Variants in PRKG1 observed in about 807,000 individuals in gnomAD.
PRKG1 encodes protein kinase cGMP-dependent 1.
PRKG1 carries 35 observed loss-of-function variants against 88.1 expected under a neutral mutation model. The observed-to-expected ratio is 0.40, with a 90% CI of 0.30 to 0.53. The LOEUF is 0.53. PRKG1 is among the 20% of genes least tolerant of loss of function. The pLI, the probability that PRKG1 is intolerant of heterozygous loss-of-function variation, is 0.59. For missense variants in PRKG1, 540 were observed against 839.8 expected (o/e 0.64, Z 4.41); for synonymous variants, 303 against 292.5 (o/e 1.04, Z -0.37).
chr10:51,556,710 G>C (rs1355362508), intron 3 of PRKG1, among the ~76,000 whole-genome samples: 2 of 151,920 alleles, frequency 1.3e-5, no homozygotes, highest in Non-Finnish European at 2.9e-5. Context: ...ATAGACACTG[G>C]GAACTACCAG....
chr10:52,215,280 G>C (rs180781950), intron 9 of PRKG1, among the ~76,000 whole-genome samples: 101 of 151,846 alleles, frequency 6.7e-4, no homozygotes, highest in African/African-American at 2.2e-3. Flanking sequence ...TGTAATCCCA[G>C]CTACTTGGGA....
chr10:52,264,586 A>G (rs1223075566), intron 10 of PRKG1, among the ~76,000 whole-genome samples: 1 of 152,138 alleles, frequency 6.6e-6, no homozygotes, highest in Admixed American at 6.6e-5. Context: ...CCAAAACTAA[A>G]AAATGGCTTT....
chr10:51,142,212 T>G (rs1845836898), intron 1 of PRKG1, among the ~76,000 whole-genome samples: 2 of 152,118 alleles, frequency 1.3e-5, no homozygotes, highest in Admixed American at 1.3e-4. Flanking sequence ...ATTGCTGAAT[T>G]CAAGACGTGT....
chr10:51,404,545 T>A (rs1268904455), intron 2 of PRKG1, among the ~76,000 whole-genome samples: 1 of 152,204 alleles, frequency 6.6e-6, no homozygotes, highest in African/African-American at 2.4e-5. Flanking sequence ...CAAAAGTCAA[T>A]ATGGTAATAG....
At chr10:52,060,044 G>GTTGCTACA (rs1846201045) in intron 6 of PRKG1, among the ~76,000 whole-genome samples, 1 of 151,520 alleles carries the variant, frequency 6.6e-6, no homozygotes, top group South Asian at 2.1e-4. Context: ...CCTATTATAA[G>GTTGCTACA]GTTCAGGTAA....
chr10:51,933,053 C>T (rs1481035329), intron 5 of PRKG1, among the ~76,000 whole-genome samples: 1 of 152,078 alleles, frequency 6.6e-6, no homozygotes, highest in Non-Finnish European at 1.5e-5. Context: ...CATTATCACA[C>T]ATTGGGTAGC....
intron 5 of PRKG1, among the ~76,000 whole-genome samples, chr10:52,019,269 CA>C (rs1481925767): frequency 7.9e-5 from 12 of 152,282 alleles, no homozygotes; most frequent in African/African-American, 2.9e-4. Flanking sequence ...GATCAAATTT[CA>C]CCACGAGGTT....
intron 2 of PRKG1, among the ~76,000 whole-genome samples, chr10:51,243,703 C>T (rs943464092): frequency 3.9e-5 from 6 of 152,150 alleles, no homozygotes; most frequent in Non-Finnish European, 8.8e-5. Context: ...GGCAAGGTCT[C>T]TTTTCATATA....
In PRKG1 at chr10:51,333,998, G is replaced by C. The variant is rs542301293; in HGVS notation, c.479-133725G>C. Among the ~76,000 whole-genome samples the C allele has an allele frequency of 1.8e-3, 275 of 152,240 alleles. 2 individuals are homozygous for C. The highest frequency in any genetic ancestry group is 6.4e-3 in the African/African-American group (264 of 41,544). On this transcript the variant is annotated intron_variant, in intron 2 of 17. Transcript: ENST00000373980. ...TTTCAAACACACCAATTGTGTCGCT[G>C]TTCTTTTAATTGATTCAGACAGCAT...
intron 2 of PRKG1, among the ~76,000 whole-genome samples, chr10:51,293,134 G>A (rs1271450685): frequency 6.6e-6 from 1 of 152,026 alleles, no homozygotes; most frequent in Non-Finnish European, 1.5e-5. Context: ...CATATACATT[G>A]TGAAATAATC....
intron 1 of PRKG1, among the ~76,000 whole-genome samples, chr10:51,054,418 G>A (rs1843603441): frequency 1.3e-5 from 2 of 152,174 alleles, no homozygotes; most frequent in Non-Finnish European, 2.9e-5. Flanking sequence ...TTACCAGGGA[G>A]GTTGATGCTG....
At chr10:51,017,435 AAGTT>A (rs1843081672) in intron 1 of PRKG1, among the ~76,000 whole-genome samples, 1 of 152,232 alleles carries the variant, frequency 6.6e-6, no homozygotes, top group African/African-American at 2.4e-5. Flanking sequence ...TTGAATGAGA[AAGTT>A]AAATAATTAA....
At chr10:51,196,809 C>T (rs182274475) in intron 2 of PRKG1, among the ~76,000 whole-genome samples, 370 of 152,236 alleles carry the variant, frequency 2.4e-3, no homozygotes, top group South Asian at 2.5e-3. Flanking sequence ...TTCAAGTTGG[C>T]CACTTTCTGC....
At chr10:51,610,550 C>T (rs1589129072) in intron 3 of PRKG1, among the ~76,000 whole-genome samples, 1 of 152,076 alleles carries the variant, frequency 6.6e-6, no homozygotes, top group Non-Finnish European at 1.5e-5. Context: ...TTGATAGACA[C>T]TTAGATTGAT....
At chr10:51,045,619 C>G (rs1467812567) in intron 1 of PRKG1, among the ~76,000 whole-genome samples, 1 of 152,166 alleles carries the variant, frequency 6.6e-6, no homozygotes, top group Admixed American at 6.5e-5. Flanking sequence ...TGCAAAGGAA[C>G]TATTTTTAGT....
intron 3 of PRKG1, among the ~76,000 whole-genome samples, chr10:51,789,902 A>G: frequency 6.6e-6 from 1 of 151,516 alleles, no homozygotes; most frequent in Admixed American, 6.6e-5. Flanking sequence ...AGTCACTGCA[A>G]CCTCTGCCTC....
Position 52,224,838 on chromosome 10 carries a change from T to TATATATATATATATATAC in PRKG1, c.1077-26731_1077-26730insTATATATATATATATACA, listed in dbSNP as rs1172536011. 1.2e-3 allele frequency among the ~76,000 whole-genome samples: 160 copies of TATATATATATATATATAC among 135,824 alleles called. 4 individuals are homozygous for TATATATATATATATATAC. The highest frequency in any genetic ancestry group is 4.4e-3 in the African/African-American group (153 of 34,522). 89.1% of individuals were successfully genotyped at this position (135,824 alleles called of 152,430 possible). ...ATATATATATATATATATATATATATACATACATACATACATATCTCACAG... is the reference window on the plus strand; with the variant it reads ...ATATATATATATATATATATATATATATATATATATATATATACACATACATACATACATATCTCACAG... On this transcript the variant is annotated intron_variant, in intron 9 of 17. Transcript: ENST00000373980.
rs1385193561 is a variant in PRKG1, at chr10:51,737,729, AT to A, written c.593-66853del. On this transcript the variant is annotated intron_variant, in intron 3 of 17. Transcript: ENST00000373980. ...TTTTTATTTATTTATTTATTTATTT[AT>A]TTATTTATTAATTATTATTATTATT... is the stretch of plus-strand genomic sequence containing the variant. Among the ~76,000 whole-genome samples the A allele has an allele frequency of 7.9e-3, 876 of 110,674 alleles. 14 individuals carry two copies. Among genetic ancestry groups the A allele is most frequent in the African/African-American group, 0.032 (815 of 25,140 alleles). The allele number at this position is 110,674 out of a possible 152,430, so 72.6% of individuals were successfully genotyped here. A position where few individuals can be genotyped will look rare whatever the true frequency, so the allele number is the denominator to read the frequency against.
At chr10:51,464,673 C>T (rs1221988996) in intron 2 of PRKG1, among the ~76,000 whole-genome samples, 1 of 151,744 alleles carries the variant, frequency 6.6e-6, no homozygotes, top group Non-Finnish European at 1.5e-5. Context: ...GGGCGGATCA[C>T]GAGGTCAGGA....
Sources: gnomAD v4.1 joint callset for allele counts (sites outside exome capture counted in the v4.1 genomes callset) on GRCh38, gnomAD v4.1.1 for gene constraint, MANE v1.5 for transcripts, NCBI Gene and HGNC (gene_info 2026-07-23, HGNC 2026-07-21) for gene names.